EYA4: variants seen among roughly 807,000 people sequenced by gnomAD.
EYA4 encodes EYA transcriptional coactivator and phosphatase 4.
In EYA4, 31 loss-of-function variants were observed where a neutral mutation model predicts 87.9. The observed-to-expected ratio is 0.35, with a 90% CI of 0.27 to 0.48. The LOEUF is 0.48. EYA4 is among the 20% of genes least tolerant of loss of function. The pLI is 0.99. For synonymous variants in EYA4, 263 were observed against 270.6 expected, an observed-to-expected ratio of 0.97 and a Z score of 0.28; for missense variants, 678 against 761.4, an observed-to-expected ratio of 0.89 and a Z score of 1.29.
At chr6:133,384,974 A>G (rs566361272) in intron 3 of EYA4, among the ~76,000 whole-genome samples, 14 of 152,182 alleles carry the variant, frequency 9.2e-5, no homozygotes, top group African/African-American at 2.4e-4. Flanking sequence ...ATTTTAATAC[A>G]TACATATATG....
At chr6:133,417,984 C>T (rs756302955) in intron 3 of EYA4, among the ~76,000 whole-genome samples, 25 of 152,296 alleles carry the variant, frequency 1.6e-4, no homozygotes, top group Non-Finnish European at 2.9e-4. Flanking sequence ...GTGCATAGTA[C>T]GGCTCCTCAG....
Position 133,356,502 on chromosome 6 carries a change from T to A in EYA4, c.34-25890T>A, listed in dbSNP as rs117659645. 8.3e-3 allele frequency among the ~76,000 whole-genome samples: 1,260 copies of A among 152,220 alleles called. 11 individuals are homozygous for A. Among genetic ancestry groups the A allele is most frequent in the Non-Finnish European group, 0.014 (985 of 68,010 alleles). On this transcript the variant is annotated intron_variant, in intron 2 of 19. Transcript: ENST00000355286. ...AAATATTTTTGTTTTATTTCTGAGG[T>A]TATTATTTATTATTTATAACTATTG...
At chr6:133,351,985 G>GAA (rs11311561) in intron 2 of EYA4, among the ~76,000 whole-genome samples, 10 of 130,338 alleles carry the variant, frequency 7.7e-5, no homozygotes, top group East Asian at 2.3e-4. Flanking sequence ...CTGTGTTAAA[G>GAA]AAAAAAAAAA....
intron 13 of EYA4, among the ~76,000 whole-genome samples, chr6:133,490,580 C>CA (rs1014408915): frequency 1.7e-4 from 25 of 148,952 alleles, no homozygotes; most frequent in South Asian, 4.3e-4. Flanking sequence ...AAAAGTAAAA[C>CA]AAAAAAAAAC....
intron 3 of EYA4, among the ~76,000 whole-genome samples, chr6:133,402,511 T>A (rs1788351784): frequency 1.3e-5 from 2 of 152,198 alleles, no homozygotes; most frequent in African/African-American, 4.8e-5. Context: ...AGTGAGAATC[T>A]AGCTATATAT....
chr6:133,357,542 A>G (rs903735552), intron 2 of EYA4, among the ~76,000 whole-genome samples: 2 of 152,198 alleles, frequency 1.3e-5, no homozygotes, highest in Non-Finnish European at 2.9e-5. Context: ...AATTCCCCAA[A>G]TATCCTTCCA....
intron 3 of EYA4, among the ~76,000 whole-genome samples, chr6:133,430,480 G>T (rs1791089512): frequency 6.6e-6 from 1 of 152,134 alleles, no homozygotes; most frequent in South Asian, 2.1e-4. Context: ...CTAATGCATG[G>T]TAGAAACTCA....
At chr6:133,448,283 A>C (rs1793063812) in intron 5 of EYA4, 104 bp downstream of exon 5, 4 of 874,462 alleles carry the variant, frequency 4.6e-6, no homozygotes, top group African/African-American at 1.6e-5. Context: ...TTCTGTGTTC[A>C]GTACTTAAAA....
chr6:133,349,681 G>A lies in EYA4; in HGVS notation c.34-32711G>A, dbSNP rs78581460. ...TGAGTGCAAATAATATAGGAATGTG[G>A]GGGCTGTAATAAACCACAGGGTTAA... On this transcript the variant is annotated intron_variant, in intron 2 of 19. Transcript: ENST00000355286. Among the ~76,000 whole-genome samples, 273 of 152,186 alleles carry A rather than the reference G, an allele frequency of 1.8e-3. 6 individuals carry two copies. Among genetic ancestry groups the A allele is most frequent in the African/African-American group, 6.4e-3 (265 of 41,474 alleles).
At chr6:133,344,231 A>G (rs1345782910) in intron 2 of EYA4, among the ~76,000 whole-genome samples, 2 of 152,298 alleles carry the variant, frequency 1.3e-5, no homozygotes, top group Non-Finnish European at 2.9e-5. Context: ...TGTCTACATG[A>G]CTTGTCTGAC....
chr6:133,329,447 T>A (rs1205725697), intron 2 of EYA4, among the ~76,000 whole-genome samples: 1 of 152,034 alleles, frequency 6.6e-6, no homozygotes, highest in Non-Finnish European at 1.5e-5. Context: ...AAATGACAAT[T>A]TTTGTTGCAT....
chr6:133,291,273 C>T (rs1391562138), intron 2 of EYA4, among the ~76,000 whole-genome samples: 3 of 152,264 alleles, frequency 2.0e-5, no homozygotes, highest in Middle Eastern at 3.4e-3. Flanking sequence ...ATTTATTCAA[C>T]AAAGATTTAA....
intron 2 of EYA4, among the ~76,000 whole-genome samples, chr6:133,290,740 A>G (rs557119705): frequency 6.6e-6 from 1 of 152,300 alleles, no homozygotes; most frequent in South Asian, 2.1e-4. Context: ...CGTTAGTTTA[A>G]CAGATGCAAA....
At chr6:133,334,524 C>A (rs937648202) in intron 2 of EYA4, among the ~76,000 whole-genome samples, 1 of 152,138 alleles carries the variant, frequency 6.6e-6, no homozygotes, top group African/African-American at 2.4e-5. Flanking sequence ...GCAGGCTCTA[C>A]CTGAATGTAT....
chr6:133,353,452 AG>A (rs1198688614), intron 2 of EYA4, among the ~76,000 whole-genome samples: 1 of 152,162 alleles, frequency 6.6e-6, no homozygotes, highest in Non-Finnish European at 1.5e-5. Context: ...GCTTACATAT[AG>A]ATATTTTTTG....
intron 14 of EYA4, among the ~76,000 whole-genome samples, chr6:133,509,765 AAGTT>A (rs1422489495): frequency 6.6e-6 from 1 of 152,232 alleles, no homozygotes; most frequent in East Asian, 1.9e-4. Flanking sequence ...AAAGTATTTA[AAGTT>A]AGTTCTAGAA....
intron 2 of EYA4, among the ~76,000 whole-genome samples, chr6:133,327,933 G>A (rs919012617): frequency 2.6e-5 from 4 of 152,132 alleles, no homozygotes; most frequent in African/African-American, 4.8e-5. Flanking sequence ...CTATAGAGTC[G>A]TCAGTGTCAC....
intron 2 of EYA4, among the ~76,000 whole-genome samples, chr6:133,301,176 TAA>T (rs879301255): frequency 6.6e-6 from 1 of 152,226 alleles, no homozygotes; most frequent in Non-Finnish European, 1.5e-5. Flanking sequence ...ATTATAATCA[TAA>T]GAGTATATTA....
chr6:133,406,091 A>G (rs1788684090), intron 3 of EYA4, among the ~76,000 whole-genome samples: 1 of 152,134 alleles, frequency 6.6e-6, no homozygotes, highest in Non-Finnish European at 1.5e-5. Flanking sequence ...TACTTTATAT[A>G]TATATTGTAT....
Sources: gnomAD v4.1 joint callset for allele counts (sites outside exome capture counted in the v4.1 genomes callset) on GRCh38, gnomAD v4.1.1 for gene constraint, MANE v1.5 for transcripts, NCBI Gene and HGNC (gene_info 2026-07-23, HGNC 2026-07-21) for gene names.